Variants in MUC22 observed in about 807,000 individuals in gnomAD.
MUC22 encodes mucin 22, also known as mucin-22.
Under a neutral mutation model 40.3 loss-of-function variants are expected in MUC22, and 24 were observed. That is an observed-to-expected ratio of 0.60 (90% CI 0.43 to 0.84). The LOEUF (loss-of-function observed/expected upper bound fraction) is 0.84. Ranked by LOEUF, MUC22 falls within the 40% of genes least tolerant of loss-of-function variation. The pLI is 0.00. For synonymous variants in MUC22, 765 were observed against 844.5 expected, an observed-to-expected ratio of 0.91 and a Z score of 1.63; for missense variants, 1,926 against 2,130.7, an observed-to-expected ratio of 0.90 and a Z score of 1.89.
rs147958458 is a variant in MUC22 at position 31,022,117 on chromosome 6, T to G, written c.71-3385T>G. 2.4e-3 allele frequency among the ~76,000 whole-genome samples: 361 copies of G among 151,866 alleles called. 1 individual carries two copies. The highest frequency in any genetic ancestry group is 7.4e-3 in the African/African-American group (307 of 41,388). Reference sequence around the variant, plus strand: ...CACAAACCCACCAGAAGGAAGAAACTCCGAACACATCTGAACATCAGAAGG... The same window carrying G: ...CACAAACCCACCAGAAGGAAGAAACGCCGAACACATCTGAACATCAGAAGG... On this transcript the variant is annotated intron_variant, in intron 1 of 3. Coordinates refer to ENST00000561890, the Ensembl canonical transcript of MUC22.
At position 31,011,299 on chromosome 6, in the gene MUC22, G is replaced by A. The variant is rs1763854529; in HGVS notation, c.70+523G>A. 5.3e-5 allele frequency among the ~76,000 whole-genome samples: 8 copies of A among 152,014 alleles called. No individual in the cohort carries two copies. ...ACTTTGGTGCACCCGTCACCAAGCA[G>A]TGTACACCGCACCCACCCTATCTGT... is the stretch of plus-strand genomic sequence containing the variant. On this transcript the variant is annotated intron_variant, in intron 1 of 3. Transcript: ENST00000561890. This position sits in a 1 kb window ranked among gnomAD's most constrained non-coding sequence, Gnocchi z 4.5.
intron 1 of MUC22, among the ~76,000 whole-genome samples, chr6:31,018,187 G>C (rs1054253592): frequency 2.6e-5 from 4 of 151,250 alleles, no homozygotes; most frequent in African/African-American, 9.8e-5. Flanking sequence ...CTGATCTAGA[G>C]TTTCTTTGGT....
intron 1 of MUC22, among the ~76,000 whole-genome samples, chr6:31,012,256 A>G (rs6906661): frequency 0.024 from 3,720 of 152,168 alleles, 151 homozygotes; most frequent in African/African-American, 0.084. Context: ...CTTCTTCCTC[A>G]GTATGCATCT....
chr6:31,021,690 G>T (rs571914688), intron 1 of MUC22, among the ~76,000 whole-genome samples: 1 of 151,992 alleles, frequency 6.6e-6, no homozygotes, highest in Non-Finnish European at 1.5e-5. Flanking sequence ...TGATGGGGAC[G>T]TGGAGAACCT....
At position 31,025,612 on chromosome 6, in the gene MUC22, A is replaced by G. The variant is rs1419787821; in HGVS notation, c.181A>G (p.Thr61Ala). Residue 61 changes from threonine to alanine, a missense_variant, in exon 2 of 4, where the codon ACA becomes GCA. Thr to Ala is a moderately conservative substitution (Grantham distance 58, BLOSUM62 0). This residue lies in a region of MUC22 where 1,281 missense variants were observed against 1,337.8 expected (regional missense o/e 0.96). Transcript: ENST00000561890. ...CATGGCCTCTACTTCGGCCTTAACT[A>G]CAGGCTCTAAGATCACCACAGACTC... is the stretch of plus-strand genomic sequence containing the variant. 2.0e-6 allele frequency: 3 copies of G among 1,522,514 alleles called. No individual in the cohort carries two copies. In the South Asian group the frequency reaches 3.6e-5, roughly 18 times the overall value. 94.3% of individuals were successfully genotyped at this position (1,522,514 alleles called of 1,614,324 possible). A position where few individuals can be genotyped will look rare whatever the true frequency, so the allele number is the denominator to read the frequency against.
intron 3 of MUC22, among the ~76,000 whole-genome samples, chr6:31,033,364 A>G (rs1432906785): frequency 6.6e-6 from 1 of 152,188 alleles, no homozygotes; most frequent in Non-Finnish European, 1.5e-5. Context: ...AAAGAAGCAT[A>G]AAAATGTTCA....
exon 2 of MUC22, chr6:31,027,607 A>C (rs1246433469): frequency 6.5e-7 from 1 of 1,527,190 alleles, no homozygotes; most frequent in African/African-American, 1.4e-5. Flanking sequence ...CTCTGAGACC[A>C]AAACAGCCTA....
chr6:31,032,120 C>T lies in MUC22; in HGVS notation c.4670-76C>T. ...CCATAGGTTTGTTAGATTCACCCTC[C>T]TCTGGTCTAAGCACCCCCATTCCCC... On this transcript the variant is annotated intron_variant, in intron 2 of 3. Transcript: ENST00000561890. The surrounding 1 kb of genome is among the most constrained non-coding windows in gnomAD (Gnocchi z 4.1). 1 of 1,448,904 alleles carries T rather than the reference C, an allele frequency of 6.9e-7. No homozygotes were observed. 89.8% of individuals were successfully genotyped at this position (1,448,904 alleles called of 1,614,324 possible). A position where few individuals can be genotyped will look rare whatever the true frequency, so the allele number is the denominator to read the frequency against.
In MUC22 at chr6:31,011,020, TGTG is replaced by T. The variant is rs1359697502; in HGVS notation, c.70+249_70+251del. ...TCCCCCAGCTGTGGTTGTGAGCACA[TGTG>T]GTGGGGCGGTGGGGCGGTGCTGGGG... is the stretch of plus-strand genomic sequence containing the variant. On this transcript the variant is annotated intron_variant, in intron 1 of 3. Transcript: ENST00000561890. This position sits in a 1 kb window ranked among gnomAD's most constrained non-coding sequence, Gnocchi z 4.5. Among the ~76,000 whole-genome samples, 1 of 151,496 alleles carries T rather than the reference TGTG, an allele frequency of 6.6e-6. No individual in the cohort carries two copies. The highest frequency in any genetic ancestry group is 1.5e-5 in the Non-Finnish European group (1 of 67,908).
rs1554294029 is a variant in MUC22 at position 31,013,877 on chromosome 6, G to GA, written c.70+3101_70+3102insA. Among the ~76,000 whole-genome samples, 555 of 151,570 alleles carry GA rather than the reference G, an allele frequency of 3.7e-3. 11 individuals are homozygous for GA. The South Asian group carries it at 0.059, about 16-fold the overall frequency. On this transcript the variant is annotated intron_variant, in intron 1 of 3. Transcript: ENST00000561890. ...TTCTTTGTTGGTTGAGGTTTTTTGG[G>GA]TTTTTTTTCCTGCTTTGGGCATGAT...
chr6:31,029,325 C>A (rs2150802309), exon 2 of MUC22: 1 of 1,528,590 alleles, frequency 6.5e-7, no homozygotes, highest in African/African-American at 1.4e-5. Context: ...CCACAGCAGT[C>A]TATACCACAG....
intron 2 of MUC22, among the ~76,000 whole-genome samples, chr6:31,031,966 A>C (rs1214653087): frequency 6.6e-6 from 1 of 151,448 alleles, no homozygotes; most frequent in Non-Finnish European, 1.5e-5. Flanking sequence ...TCCATCACCA[A>C]CTCCACCAGG....
At chr6:31,013,810 T>G (rs1348155865) in intron 1 of MUC22, among the ~76,000 whole-genome samples, 4 of 152,216 alleles carry the variant, frequency 2.6e-5, no homozygotes. Context: ...ATTACAGGCG[T>G]GAGCCATTGC....
exon 1 of MUC22, chr6:31,010,586 G>T (rs1002547148): frequency 3.2e-6 from 2 of 631,880 alleles, no homozygotes; most frequent in Non-Finnish European, 2.9e-6. Context: ...GGGTCTTTTT[G>T]TGCAACTTTA....
intron 1 of MUC22, among the ~76,000 whole-genome samples, chr6:31,012,319 T>G (rs1763915037): frequency 6.6e-6 from 1 of 152,166 alleles, no homozygotes; most frequent in Non-Finnish European, 1.5e-5. Context: ...AGCACTTCCC[T>G]CGGCGTTCTT....
chr6:31,027,896 G>A (rs1765579748), exon 2 of MUC22: 1 of 1,533,988 alleles, frequency 6.5e-7, no homozygotes, highest in South Asian at 1.2e-5. Flanking sequence ...TCCACCACAG[G>A]TGCTGAGACC....
chr6:31,018,467 A>G (rs1482639076), intron 1 of MUC22, among the ~76,000 whole-genome samples: 1 of 152,208 alleles, frequency 6.6e-6, no homozygotes, highest in Non-Finnish European at 1.5e-5. Context: ...TGTATGTTGA[A>G]GCTTTCTCTG....
intron 1 of MUC22, among the ~76,000 whole-genome samples, chr6:31,021,263 C>T (rs1457879207): frequency 6.6e-6 from 1 of 152,170 alleles, no homozygotes; most frequent in Non-Finnish European, 1.5e-5. Flanking sequence ...CTGTGTGTAG[C>T]TCAGGATTTG....
chr6:31,015,224 G>A (rs1420568710), intron 1 of MUC22, among the ~76,000 whole-genome samples: 1 of 152,168 alleles, frequency 6.6e-6, no homozygotes, highest in Non-Finnish European at 1.5e-5. Context: ...ATCAGCTCAT[G>A]CTCCTGGCTG....
Sources: allele counts gnomAD v4.1 joint callset (sites outside exome capture counted in the v4.1 genomes callset), GRCh38; gene constraint gnomAD v4.1.1; regional missense constraint gnomAD v4.1.1; non-coding constraint Gnocchi (gnomAD v3.1); transcripts MANE v1.5; gene names NCBI Gene and HGNC (gene_info 2026-07-23, HGNC 2026-07-21).